The following IGDCC4 variants were observed in gnomAD, a reference collection of about 807,000 sequenced individuals.
IGDCC4 encodes likely ortholog of mouse neighbor of Punc E11.
IGDCC4 carries 72 observed loss-of-function variants against 116.6 expected under a neutral mutation model. The ratio of observed to expected loss-of-function variants is 0.62; its 90% CI spans 0.51 to 0.75. The LOEUF is 0.75. Among genes scored for constraint, IGDCC4 ranks in the 30% least tolerant of loss-of-function variants. IGDCC4 has a pLI of 0.00. For missense variants in IGDCC4, 1,501 were observed against 1,662.4 expected, an observed-to-expected ratio of 0.90 and a Z score of 1.69; for synonymous variants, 709 against 719.9, an observed-to-expected ratio of 0.98 and a Z score of 0.24.
intron 10 of IGDCC4, 111 bp from the exon 11 acceptor site, chr15:65,392,481 G>C: frequency 1.2e-6 from 1 of 804,792 alleles, no homozygotes; most frequent in Non-Finnish European, 1.9e-6. Flanking sequence ...ACAGGAAGAT[G>C]GCATTCAGTG....
chr15:65,386,755 G>A, intron 16 of IGDCC4, 99 bp from the exon 17 acceptor site: 1 of 849,608 alleles, frequency 1.2e-6, no homozygotes, highest in Non-Finnish European at 1.9e-6. Flanking sequence ...ACACCAGCTG[G>A]ACCCTCACCC....
At chr15:65,409,711 G>A (rs1406833674) in intron 3 of IGDCC4, among the ~76,000 whole-genome samples, 1 of 152,240 alleles carries the variant, frequency 6.6e-6, no homozygotes, top group Non-Finnish European at 1.5e-5. Flanking sequence ...AGAGGGCTAC[G>A]CCCCACTGGA....
intron 3 of IGDCC4, among the ~76,000 whole-genome samples, chr15:65,404,115 A>C (rs1000552312): frequency 9.2e-5 from 14 of 152,056 alleles, no homozygotes; most frequent in African/African-American, 3.4e-4. Context: ...AAATCTAAAC[A>C]TGGAACAGGA....
intron 8 of IGDCC4, 116 bp from the exon 9 acceptor site, chr15:65,394,664 G>T: frequency 9.6e-7 from 1 of 1,039,600 alleles, no homozygotes; most frequent in Non-Finnish European, 1.4e-6. Flanking sequence ...CCAGGACCAG[G>T]ATCTGAGGGA....
intron 15 of IGDCC4, 36 bp downstream of exon 15, chr15:65,388,772 G>C (rs1175072163): frequency 5.6e-6 from 9 of 1,613,084 alleles, no homozygotes; most frequent in Non-Finnish European, 6.8e-6. Flanking sequence ...AGGCTGGGAA[G>C]CTCTTGAGCA....
In IGDCC4 at chr15:65,392,123, G is replaced by T. The variant is rs202190526; in HGVS notation, c.2122+11C>A. ...ACATCCCTCCCTCCCCCTCCCCCCA[G>T]CCCTCCTCACCTAGCTGGGTCAGCT... On this transcript the variant is annotated intron_variant, in intron 11 of 19. Transcript: ENST00000352385. 83 of 1,096,390 alleles carry T rather than the reference G, an allele frequency of 7.6e-5. No homozygotes were observed. The highest frequency in any genetic ancestry group is 1.1e-5 in the Non-Finnish European group (8 of 737,848). The allele number at this position is 1,096,390 out of a possible 1,614,324, so 67.9% of individuals were successfully genotyped here.
Position 65,383,207 on chromosome 15 carries a change from G to T in IGDCC4, c.*802C>A, listed in dbSNP as rs2091418424. ...GGATGCAGAGTTTGAACCCAGGCAG[G>T]AGAACAAGATGACATAGTCTGGGAG... On this transcript the variant is annotated 3_prime_UTR_variant, in exon 20 of 20. Transcript: ENST00000352385. The T allele has an allele frequency of 6.5e-6, 1 of 153,000 alleles. No individual in the cohort carries two copies. The highest frequency in any genetic ancestry group is 1.5e-5 in the Non-Finnish European group (1 of 68,240). 9.5% of individuals were successfully genotyped at this position (153,000 alleles called of 1,614,324 possible).
intron 3 of IGDCC4, among the ~76,000 whole-genome samples, chr15:65,406,535 A>G (rs1002220622): frequency 1.3e-5 from 2 of 152,158 alleles, no homozygotes; most frequent in Admixed American, 1.3e-4. Context: ...ATACACCCTG[A>G]CGCAGTGTGT....
intron 1 of IGDCC4, among the ~76,000 whole-genome samples, chr15:65,420,722 A>T (rs1187863203): frequency 6.6e-6 from 1 of 151,926 alleles, no homozygotes; most frequent in Non-Finnish European, 1.5e-5. Context: ...AACTTTGCAC[A>T]TGCTGTTCTC....
In IGDCC4 at chr15:65,384,965, C is replaced by A. The variant is rs1396156001; in HGVS notation, c.3331G>T (p.Asp1111Tyr). The A allele has an allele frequency of 6.2e-7, 1 of 1,611,538 alleles. No individual in the cohort carries two copies. The highest frequency in any genetic ancestry group is 1.7e-5 in the Admixed American group (1 of 59,726). ...TCCAGGACGCTGACCTTTATGGCGT[C>A]GTACACCAGAGCCTGCAGCAACAGC... Reference protein sequence around the residue: ...QTLLLQALVYDAIKGNGRKKS... With the variant: ...QTLLLQALVYYAIKGNGRKKS... Residue 1111 changes from aspartate (D) to tyrosine (Y), a missense_variant, in exon 19 of 20, where the codon GAC becomes TAC. Transcript: ENST00000352385. This position sits in a 1 kb window ranked among gnomAD's most constrained non-coding sequence, Gnocchi z 4.9.
At chr15:65,407,597 C>A (rs1021566629) in intron 3 of IGDCC4, among the ~76,000 whole-genome samples, 26 of 152,032 alleles carry the variant, frequency 1.7e-4, no homozygotes. Flanking sequence ...CCTACCTCAG[C>A]CCCCCAAAGT....
rs1198352602 is a variant in IGDCC4 at position 65,385,866 on chromosome 15, C to G, written c.3145G>C (p.Gly1049Arg). The change falls in exon 18 of 20, where the codon GGT (glycine) becomes CGT (arginine). Residue 1049 changes from glycine to arginine, a missense_variant. By Grantham distance (125) the Gly-to-Arg change is moderately radical. Coordinates refer to ENST00000352385, the MANE Select transcript of IGDCC4 (RefSeq NM_020962.3). The part of the protein sequence containing the change: ...RAEVHSLMGG[G>R]VSEGRSHSKR... ...GAGTGACTCCGGCCTTCAGAAACACCGCCACCCATAAGGCTGTGCACTTCA... is the reference window on the plus strand; with the variant it reads ...GAGTGACTCCGGCCTTCAGAAACACGGCCACCCATAAGGCTGTGCACTTCA... 6.2e-7 allele frequency: 1 copy of G among 1,612,700 alleles called. No individual in the cohort carries two copies. Among genetic ancestry groups the G allele is most frequent in the Non-Finnish European group, 8.5e-7 (1 of 1,180,046 alleles).
In IGDCC4 at chr15:65,388,463, T is replaced by C; in HGVS notation, c.2831A>G (p.Gln944Arg). 6.2e-7 allele frequency: 1 copy of C among 1,614,164 alleles called. No individual in the cohort carries two copies. Residue 944 changes from glutamine (Q) to arginine (R), a missense_variant, in exon 16 of 20, where the codon CAG becomes CGG. By Grantham distance (43) the Gln-to-Arg change is conservative. This residue lies in a region of IGDCC4 where 235 missense variants were observed against 328.0 expected (regional missense o/e 0.72). Coordinates refer to ENST00000352385, the MANE Select transcript of IGDCC4 (RefSeq NM_020962.3). ...TGTGCTCATACCTGACAGCTTCTCC[T>C]GGAGCGTGATCACATCCTGCAGGCG... is the stretch of plus-strand genomic sequence containing the variant. Reference protein sequence around the residue: ...FSRLQDVITLQEKLSDSLDMH... With the variant: ...FSRLQDVITLREKLSDSLDMH...
In IGDCC4 at chr15:65,384,326, G is replaced by T. The variant is rs2091432212; in HGVS notation, c.3436C>A (p.Pro1146Thr). Residue 1146 changes from proline (P) to threonine (T), a missense_variant, in exon 20 of 20, where the codon CCT becomes ACT. Physicochemically the swap from Pro to Thr is conservative, Grantham distance 38. Transcript: ENST00000352385. The surrounding 1 kb of genome is among the most constrained non-coding windows in gnomAD (Gnocchi z 4.9). ...TCCAGGTCTTGGAGATGGAGGTCAG[G>T]GTTCCCGTTAGATGCACTAAAGTCA... ...HSDFSASNGN[P>T]DLHLQDLEPE... 4 of 1,603,944 alleles carry T rather than the reference G, an allele frequency of 2.5e-6. No homozygotes were observed. Among genetic ancestry groups the T allele is most frequent in the Non-Finnish European group, 2.6e-6 (3 of 1,175,198 alleles).
At chr15:65,391,272 T>C (rs2091512315) in intron 12 of IGDCC4, among the ~76,000 whole-genome samples, 1 of 152,144 alleles carries the variant, frequency 6.6e-6, no homozygotes, top group African/African-American at 2.4e-5. Context: ...TTCTGGTTGA[T>C]TACTCCCTCT....
At position 65,411,237 on chromosome 15, in the gene IGDCC4, GGTGGGGGGTCCA is replaced by G; in HGVS notation, c.192_203del (p.Gly65_Thr68del). ...CCCCATCCTTGCTCCAGGTCACCCT[GGTGGGGGGTCCA>G]GCGGCAGCAGCCCCCAGGCTACAGT... On this transcript the variant is annotated inframe_deletion, in exon 2 of 20. Coordinates refer to ENST00000352385, the MANE Select transcript of IGDCC4 (RefSeq NM_020962.3). 1 of 1,614,134 alleles carries G rather than the reference GGTGGGGGGTCCA, an allele frequency of 6.2e-7. No individual in the cohort carries two copies. Among genetic ancestry groups the G allele is most frequent in the Non-Finnish European group, 8.5e-7 (1 of 1,180,012 alleles).
rs1442596743 is a variant in IGDCC4, at chr15:65,385,085, A to G, written c.3211T>C (p.Trp1071Arg). ...TCACAGCCTGCCCAGGAACCAGCCC[A>G]GCTCAGCCCGCTTGGTTGAGCCCAG... Reference protein sequence around the residue: ...ISWAQPSGLSWAGSWAGCELP... With the variant: ...ISWAQPSGLSRAGSWAGCELP... The change falls in exon 19 of 20, where the codon TGG becomes CGG. Residue 1071 changes from tryptophan (W) to arginine (R), a missense_variant. By Grantham distance (101) the Trp-to-Arg change is moderately radical. Around this residue, in one of 3 missense-constraint regions of IGDCC4, gnomAD observed 368 missense variants for 355.6 expected, o/e 1.03. Coordinates refer to ENST00000352385, the MANE Select transcript of IGDCC4 (RefSeq NM_020962.3). The G allele has an allele frequency of 3.1e-6, 5 of 1,602,826 alleles. No individual in the cohort carries two copies. The South Asian group carries it at 4.4e-5, about 14-fold the overall frequency.
At position 65,395,163 on chromosome 15, in the gene IGDCC4, C is replaced by T; in HGVS notation, c.1507G>A (p.Val503Met). ...LEPNTDYEFY[V>M]VAYSQLGASR... ...GCTCCCAGCTGGGAGTAGGCCACCA[C>T]GTAGAACTCATAATCTGTGTTGGGT... is the stretch of plus-strand genomic sequence containing the variant. The change falls in exon 8 of 20, where the codon GTG becomes ATG. Residue 503 changes from valine (V) to methionine (M), a missense_variant. This residue lies in a region of IGDCC4 where 898 missense variants were observed against 978.9 expected (regional missense o/e 0.92). Coordinates refer to ENST00000352385, the MANE Select transcript of IGDCC4 (RefSeq NM_020962.3). 1.2e-6 allele frequency: 2 copies of T among 1,614,018 alleles called. No individual in the cohort carries two copies. Among genetic ancestry groups the T allele is most frequent in the Non-Finnish European group, 1.7e-6 (2 of 1,179,960 alleles).
chr15:65,385,817 G>A lies in IGDCC4; in HGVS notation c.3180+14C>T. 1 of 1,594,700 alleles carries A rather than the reference G, an allele frequency of 6.3e-7. No individual in the cohort carries two copies. Among genetic ancestry groups the A allele is most frequent in the East Asian group, 2.2e-5 (1 of 44,782 alleles). ...CTATTTAGAAAAGAGCCGCAATGTG[G>A]GGCTCTGACTTACCTTTCTTTTGGA... On this transcript the variant is annotated intron_variant, in intron 18 of 19. Coordinates refer to ENST00000352385, the MANE Select transcript of IGDCC4 (RefSeq NM_020962.3).
Sources: allele counts gnomAD v4.1 joint callset (sites outside exome capture counted in the v4.1 genomes callset), GRCh38; gene constraint gnomAD v4.1.1; regional missense constraint gnomAD v4.1.1; non-coding constraint Gnocchi (gnomAD v3.1); transcripts MANE v1.5; gene names NCBI Gene and HGNC (gene_info 2026-07-23, HGNC 2026-07-21).